NAV3: variants seen among roughly 807,000 people sequenced by gnomAD.
The protein encoded by NAV3 is pore membrane and/or filament interacting like protein 1.
A neutral mutation model predicts 244.7 loss-of-function variants in NAV3; 87 were observed. The observed-to-expected ratio is 0.36, with a 90% CI of 0.30 to 0.42. The LOEUF is 0.42. Ranked by LOEUF, NAV3 falls within the 20% of genes least tolerant of loss-of-function variation. The probability of loss-of-function intolerance (pLI) is 1.00; values close to 1 mark genes in which losing one functional copy is unlikely to be tolerated. For synonymous variants in NAV3, 1,126 were observed against 1,042.2 expected (o/e 1.08, Z -1.55); for missense variants, 2,663 against 2,893.3 (o/e 0.92, Z 1.83).
At chr12:77,837,488 C>T (rs890617375) in intron 1 of NAV3, among the ~76,000 whole-genome samples, 1 of 151,974 alleles carries the variant, frequency 6.6e-6, no homozygotes, top group Non-Finnish European at 1.5e-5. Flanking sequence ...CCATTCAGTC[C>T]TCACAATAGC....
At chr12:78,059,631 C>A (rs1884033254) in intron 12 of NAV3, among the ~76,000 whole-genome samples, 1 of 152,038 alleles carries the variant, frequency 6.6e-6, no homozygotes. Flanking sequence ...CTTTACAAGG[C>A]CATTTTAGCT....
At chr12:77,856,675 T>A (rs1207503375) in intron 1 of NAV3, among the ~76,000 whole-genome samples, 1 of 152,042 alleles carries the variant, frequency 6.6e-6, no homozygotes, top group Non-Finnish European at 1.5e-5. Context: ...TTTACAATGG[T>A]TGTGAATGCA....
intron 1 of NAV3, among the ~76,000 whole-genome samples, chr12:77,855,965 A>G (rs142354789): frequency 1.2e-4 from 19 of 152,342 alleles, no homozygotes; most frequent in African/African-American, 4.6e-4. Flanking sequence ...GCAAGTGCTA[A>G]CTGATACAGA....
intron 2 of NAV3, among the ~76,000 whole-genome samples, chr12:77,588,059 A>T (rs1869697618): frequency 6.6e-6 from 1 of 152,220 alleles, no homozygotes; most frequent in South Asian, 2.1e-4. Context: ...ATTTGTGCAC[A>T]TCCATCATTC....
At chr12:77,584,422 C>CA (rs35237415) in intron 2 of NAV3, among the ~76,000 whole-genome samples, 57,200 of 150,068 alleles carry the variant, frequency 0.38, 10,900 homozygotes, top group Middle Eastern at 0.53. Context: ...CATAGTATAC[C>CA]AAAAAAAAAA....
chr12:78,107,427 G>T (rs1566141067), intron 12 of NAV3, among the ~76,000 whole-genome samples: 2 of 152,028 alleles, frequency 1.3e-5, no homozygotes, highest in Admixed American at 1.3e-4. Flanking sequence ...ACGCAAAAAG[G>T]TCTTATACAC....
Position 77,690,096 on chromosome 12 carries a change from G to A in NAV3, c.72+117830G>A, listed in dbSNP as rs140790141. Among the ~76,000 whole-genome samples the A allele has an allele frequency of 8.4e-3, 1,278 of 151,826 alleles. 6 individuals are homozygous for A. The highest frequency in any genetic ancestry group is 0.017 in the Middle Eastern group (5 of 294). On this transcript the variant is annotated intron_variant, in intron 2 of 8. Transcript: ENST00000550042. ...GTATAATGACATTCAGCTTTAACAG[G>A]TTCATCAGGTCATCTGTATCAGAGT...
intron 9 of NAV3, among the ~76,000 whole-genome samples, chr12:78,047,418 C>T (rs149620633): frequency 0.011 from 1,610 of 152,170 alleles, 29 homozygotes; most frequent in African/African-American, 0.037. Context: ...ACCCGGGAGG[C>T]GGAGCTTGCA....
intron 12 of NAV3, among the ~76,000 whole-genome samples, chr12:78,091,327 C>T (rs1401881454): frequency 6.6e-6 from 1 of 152,056 alleles, no homozygotes; most frequent in African/African-American, 2.4e-5. Context: ...ATTATTAGCC[C>T]TATCTTGCTA....
At position 77,695,767 on chromosome 12, in the gene NAV3, C is replaced by T. The variant is rs139925902; in HGVS notation, c.72+123501C>T. Among the ~76,000 whole-genome samples the T allele has an allele frequency of 3.0e-4, 46 of 152,168 alleles. 1 individual carries two copies. The East Asian group carries it at 8.5e-3, about 28-fold the overall frequency. On this transcript the variant is annotated intron_variant, in intron 2 of 8. Transcript: ENST00000550042. Reference sequence around the variant, plus strand: ...GTAAAGTTTTTATGAGACTTTCTCTCTGACCAGAAATTATACACATACTCC... The same window carrying T: ...GTAAAGTTTTTATGAGACTTTCTCTTTGACCAGAAATTATACACATACTCC...
In NAV3 at chr12:77,772,749, G is replaced by A. The variant is rs7295807; in HGVS notation, c.73-167570G>A. On this transcript the variant is annotated intron_variant, in intron 2 of 8. Coordinates refer to the NAV3 transcript ENST00000550042. ...AAATTCCTTGATGGCTCGAGCAGTTGGAATCTGTGTTGAATTTTTACTGCG... is the reference window on the plus strand; with the variant it reads ...AAATTCCTTGATGGCTCGAGCAGTTAGAATCTGTGTTGAATTTTTACTGCG... Among the ~76,000 whole-genome samples the A allele has an allele frequency of 9.2e-3, 1,397 of 152,206 alleles. 34 individuals are homozygous for A. Among genetic ancestry groups the A allele is most frequent in the African/African-American group, 0.032 (1,333 of 41,522 alleles).
chr12:78,200,014 T>C (rs1194096581), intron 37 of NAV3, among the ~76,000 whole-genome samples: 1 of 152,118 alleles, frequency 6.6e-6, no homozygotes, highest in African/African-American at 2.4e-5. Context: ...TTATTCCTTC[T>C]TTAATTGCAT....
At chr12:77,606,732 G>C (rs1241304654) in intron 2 of NAV3, among the ~76,000 whole-genome samples, 1 of 152,124 alleles carries the variant, frequency 6.6e-6, no homozygotes, top group Non-Finnish European at 1.5e-5. Context: ...ATTTTCTACA[G>C]TGCATTTAGT....
intron 3 of NAV3, among the ~76,000 whole-genome samples, chr12:77,958,335 G>A (rs1891562805): frequency 6.6e-6 from 1 of 152,084 alleles, no homozygotes; most frequent in Admixed American, 6.6e-5. Flanking sequence ...GTAGCACAGA[G>A]CACATTTTCA....
chr12:77,737,881 C>G (rs1055351565), intron 2 of NAV3, among the ~76,000 whole-genome samples: 18 of 152,070 alleles, frequency 1.2e-4, no homozygotes, highest in Non-Finnish European at 2.1e-4. Context: ...TTCAAACATG[C>G]TTTTTTTGTG....
chr12:77,867,834 G>T (rs1412462794), intron 1 of NAV3, among the ~76,000 whole-genome samples: 2 of 152,134 alleles, frequency 1.3e-5, no homozygotes, highest in African/African-American at 2.4e-5. Context: ...TATGCCTCAG[G>T]CTCCAAACCG....
chr12:77,611,482 A>T (rs1870912030), intron 2 of NAV3, among the ~76,000 whole-genome samples: 1 of 151,964 alleles, frequency 6.6e-6, no homozygotes, highest in Admixed American at 6.6e-5. Flanking sequence ...ATATTTTAAA[A>T]CCAATTTTTA....
intron 1 of NAV3, among the ~76,000 whole-genome samples, chr12:77,925,055 T>A (rs1888059470): frequency 6.6e-6 from 1 of 152,062 alleles, no homozygotes; most frequent in Non-Finnish European, 1.5e-5. Context: ...CTGAAACCCT[T>A]CAAAAATTTA....
chr12:78,192,413 A>ATTT (rs34351331), intron 34 of NAV3, among the ~76,000 whole-genome samples: 17 of 147,130 alleles, frequency 1.2e-4, no homozygotes, highest in African/African-American at 3.7e-4. Context: ...ATTTTTATTT[A>ATTT]TTTTTTTTTT....
Sources: gnomAD v4.1 joint callset for allele counts (sites outside exome capture counted in the v4.1 genomes callset) on GRCh38, gnomAD v4.1.1 for gene constraint, MANE v1.5 for transcripts, NCBI Gene and HGNC (gene_info 2026-07-23, HGNC 2026-07-21) for gene names.